UTP4: variants seen among roughly 807,000 people sequenced by gnomAD.
UTP4 encodes the protein U3 small nucleolar RNA-associated protein 4 homolog.
UTP4 carries 45 observed loss-of-function variants against 82.4 expected under a neutral mutation model. The ratio of observed to expected loss-of-function variants is 0.55; its 90% CI spans 0.43 to 0.70. UTP4 has a LOEUF of 0.70. Among genes scored for constraint, UTP4 ranks in the 30% least tolerant of loss-of-function variants. The probability of loss-of-function intolerance (pLI) is 0.00; values close to 1 mark genes in which losing one functional copy is unlikely to be tolerated. For synonymous variants in UTP4, 348 were observed against 300.3 expected, an observed-to-expected ratio of 1.16 and a Z score of -1.64; for missense variants, 819 against 858.3, an observed-to-expected ratio of 0.95 and a Z score of 0.57.
chr16:69,163,309 A>G (rs769247439), intron 14 of UTP4, 131 bp downstream of exon 14: 4 of 758,686 alleles, frequency 5.3e-6, no homozygotes, highest in Non-Finnish European at 9.3e-6. Context: ...TCCTGTGTGA[A>G]GTAAAGCTTC....
At chr16:69,160,309 T>C in intron 12 of UTP4, 47 bp from the exon 13 acceptor site, 1 of 1,462,646 alleles carries the variant, frequency 6.8e-7, no homozygotes, top group Non-Finnish European at 9.6e-7. Flanking sequence ...CAGGTCTGGC[T>C]GTGGACACTG....
chr16:69,137,379 T>G (rs1295106698), intron 3 of UTP4, among the ~76,000 whole-genome samples: 1 of 152,180 alleles, frequency 6.6e-6, no homozygotes, highest in Non-Finnish European at 1.5e-5. Flanking sequence ...TGCTTCCAGA[T>G]CTTTAATTCT....
rs1282909866 is a variant in UTP4, at chr16:69,148,636, A to G, written c.739-1901A>G. Among the ~76,000 whole-genome samples the G allele has an allele frequency of 2.8e-5, 4 of 145,060 alleles. No individual in the cohort carries two copies. In the Admixed American group the frequency reaches 2.8e-4, roughly 10 times the overall value. ...TACTTTTTTTTTTTTTTTTTGAGAC[A>G]CGGTCTTGCTCTGTCACCCAGGTGG... is the stretch of plus-strand genomic sequence containing the variant. On this transcript the variant is annotated intron_variant, in intron 6 of 16. Transcript: ENST00000314423.
At chr16:69,139,437 G>A (rs978169178) in intron 4 of UTP4, among the ~76,000 whole-genome samples, 8 of 151,098 alleles carry the variant, frequency 5.3e-5, no homozygotes, top group South Asian at 2.1e-4. Context: ...TCAGGAGTTC[G>A]AAACCAGCGT....
intron 12 of UTP4, among the ~76,000 whole-genome samples, chr16:69,157,603 A>G (rs989459030): frequency 6.6e-6 from 1 of 152,166 alleles, no homozygotes; most frequent in Non-Finnish European, 1.5e-5. Context: ...GTATTTGTAT[A>G]TAAGTATTTT....
At chr16:69,139,989 C>A in intron 5 of UTP4, 75 bp downstream of exon 5, 1 of 1,084,382 alleles carries the variant, frequency 9.2e-7, no homozygotes, top group Non-Finnish European at 1.4e-6. Context: ...AAAGCTTGAG[C>A]CTTTGTCATG....
rs1963333544 is a variant in UTP4, at chr16:69,153,581, T to C, written c.1003-3T>C. 2 of 1,609,896 alleles carry C rather than the reference T, an allele frequency of 1.2e-6. No homozygotes were observed. The highest frequency in any genetic ancestry group is 1.7e-6 in the Non-Finnish European group (2 of 1,176,876). On this transcript the variant is annotated splice_polypyrimidine_tract_variant and splice_region_variant and intron_variant, in intron 8 of 16. Coordinates refer to ENST00000314423, the MANE Select transcript of UTP4 (RefSeq NM_032830.3). The stretch of plus-strand genomic sequence containing the variant: ...TTTTTAACTTCTTGATTCTTGGATA[T>C]AGCGATGTCTCATCTCCTGTTCTAA...
At chr16:69,164,586 TTATATATATATA>T (rs58927210) in intron 14 of UTP4, among the ~76,000 whole-genome samples, 7 of 132,512 alleles carry the variant, frequency 5.3e-5, no homozygotes, top group South Asian at 4.8e-4. Flanking sequence ...TAATCATTCT[TTATATATATATA>T]TATATATATA....
intron 6 of UTP4, among the ~76,000 whole-genome samples, chr16:69,143,754 G>A (rs970887985): frequency 2.6e-5 from 4 of 152,122 alleles, no homozygotes; most frequent in Non-Finnish European, 5.9e-5. Flanking sequence ...AATAGAGATG[G>A]GGTCTCCCTA....
chr16:69,157,474 T>C (rs1024591183), intron 12 of UTP4, among the ~76,000 whole-genome samples: 3 of 152,210 alleles, frequency 2.0e-5, no homozygotes, highest in Admixed American at 6.5e-5. Flanking sequence ...ATTCCTTATT[T>C]GGGGCCAGAG....
chr16:69,133,343 C>G, intron 1 of UTP4, 115 bp from the exon 2 acceptor site: 1 of 963,724 alleles, frequency 1.0e-6, no homozygotes, highest in East Asian at 2.5e-5. Context: ...AAATGAACTT[C>G]AGGGAGATGT....
chr16:69,167,365 TTAG>T, intron 16 of UTP4, 180 bp downstream of exon 16: 1 of 615,752 alleles, frequency 1.6e-6, no homozygotes, highest in Non-Finnish European at 2.9e-6. Context: ...TGTTCTTGCC[TTAG>T]TAGGTTAGAG....
chr16:69,148,971 T>G (rs1265500887), intron 6 of UTP4, among the ~76,000 whole-genome samples: 1 of 152,150 alleles, frequency 6.6e-6, no homozygotes, highest in Non-Finnish European at 1.5e-5. Flanking sequence ...TTTTCTTGTT[T>G]ATTTCTTTCA....
chr16:69,136,618 AC>A, intron 2 of UTP4, 77 bp from the exon 3 acceptor site: 1 of 1,416,794 alleles, frequency 7.1e-7, no homozygotes, highest in Non-Finnish European at 1.0e-6. Context: ...AGTTGTTTTT[AC>A]CATGTTGCCT....
chr16:69,133,816 G>C lies in UTP4; in HGVS notation c.159+198G>C, dbSNP rs535218138. 5.8e-4 allele frequency among the ~76,000 whole-genome samples: 88 copies of C among 152,246 alleles called. 2 individuals carry two copies. The highest frequency in any genetic ancestry group is 2.8e-3 in the Admixed American group (43 of 15,298). On this transcript the variant is annotated intron_variant, in intron 2 of 16. Coordinates refer to ENST00000314423, the MANE Select transcript of UTP4 (RefSeq NM_032830.3). ...AATCTGTGTAATGTTGATTAGAAGG[G>C]TCCTACCTAGAAATGTGACATCTCA...
chr16:69,166,732 A>G (rs966964931), intron 15 of UTP4: 4 of 298,458 alleles, frequency 1.3e-5, no homozygotes, highest in African/African-American at 4.4e-5. Flanking sequence ...TGACAAAGTG[A>G]TACTGATGAG....
chr16:69,148,318 A>G (rs1963174602), intron 6 of UTP4, among the ~76,000 whole-genome samples: 1 of 149,734 alleles, frequency 6.7e-6, no homozygotes, highest in Non-Finnish European at 1.5e-5. Context: ...GCTGGTGTCT[A>G]ACCCCTGACT....
In UTP4 at chr16:69,158,700, A is replaced by G. The variant is rs116866168; in HGVS notation, c.1444+1460A>G. On this transcript the variant is annotated intron_variant, in intron 12 of 16. Coordinates refer to ENST00000314423, the MANE Select transcript of UTP4 (RefSeq NM_032830.3). ...CTCATCTCACTTCCCCTTGTAGTCAAAATGGTTTCTTCACAGCTCTCAAAC... is the reference window on the plus strand; with the variant it reads ...CTCATCTCACTTCCCCTTGTAGTCAGAATGGTTTCTTCACAGCTCTCAAAC... Among the ~76,000 whole-genome samples the G allele has an allele frequency of 5.3e-5, 8 of 152,186 alleles. No individual in the cohort carries two copies. The East Asian group carries it at 1.3e-3, about 26-fold the overall frequency.
At chr16:69,162,210 G>A (rs1282533466) in intron 13 of UTP4, among the ~76,000 whole-genome samples, 21 of 150,274 alleles carry the variant, frequency 1.4e-4, no homozygotes, top group African/African-American at 5.1e-4. Flanking sequence ...CTCGTGATCC[G>A]CCTGCCTTGG....
Sources: allele counts gnomAD v4.1 joint callset (sites outside exome capture counted in the v4.1 genomes callset), GRCh38; gene constraint gnomAD v4.1.1; transcripts MANE v1.5; gene names NCBI Gene and HGNC (gene_info 2026-07-23, HGNC 2026-07-21).